Variants in SNX14 observed in about 807,000 individuals in gnomAD.
SNX14 encodes the protein sorting nexin 14.
SNX14 carries 93 observed loss-of-function variants against 133.8 expected under a neutral mutation model. That is an observed-to-expected ratio of 0.70 (90% CI 0.59 to 0.83). The LOEUF (loss-of-function observed/expected upper bound fraction) is 0.83. Among genes scored for constraint, SNX14 ranks in the 40% least tolerant of loss-of-function variants. SNX14 has a pLI of 0.00. For synonymous variants in SNX14, 368 were observed against 365.6 expected (o/e 1.01, Z -0.07); for missense variants, 945 against 1,094.9 (o/e 0.86, Z 1.93).
chr6:85,529,615 T>C (rs548996900), intron 19 of SNX14, among the ~76,000 whole-genome samples: 1 of 152,304 alleles, frequency 6.6e-6, no homozygotes, highest in East Asian at 1.9e-4. Context: ...TCAAAATCTA[T>C]GCAAAAATAT....
At chr6:85,538,981 G>A in intron 15 of SNX14, 117 bp from the exon 16 acceptor site, 1 of 736,336 alleles carries the variant, frequency 1.4e-6, no homozygotes, top group Non-Finnish European at 2.1e-6. Flanking sequence ...AGTTACACAG[G>A]TGTATAACAT....
rs753526985 is a variant in SNX14, at chr6:85,572,165, G to A, written c.389C>T (p.Ser130Phe). 1.9e-6 allele frequency: 3 copies of A among 1,613,730 alleles called. No homozygotes were observed. In the South Asian group the frequency reaches 3.3e-5, roughly 18 times the overall value. ...NYQPWLDLKI[S>F]SKVDASLSEV... is the part of the protein sequence containing the mutation. ...TGAGAGAGATGCATCAACCTTGGAAGAAATTTTCAGGTCTAGCCATGGCTG... is the reference window on the plus strand; with the variant it reads ...TGAGAGAGATGCATCAACCTTGGAAAAAATTTTCAGGTCTAGCCATGGCTG... Residue 130 changes from serine (S) to phenylalanine (F), a missense_variant, in exon 4 of 29, where the codon TCT becomes TTT. By Grantham distance (155) the Ser-to-Phe change is radical. This residue lies in a region of SNX14 where 514 missense variants were observed against 538.8 expected (regional missense o/e 0.95). Transcript: ENST00000314673.
At chr6:85,569,166 T>C (rs1418269581) in intron 4 of SNX14, among the ~76,000 whole-genome samples, 1 of 152,174 alleles carries the variant, frequency 6.6e-6, no homozygotes, top group Non-Finnish European at 1.5e-5. Flanking sequence ...TTCTCCATGT[T>C]GGTCAGGCTG....
chr6:85,569,871 T>C (rs1795023698), intron 4 of SNX14, among the ~76,000 whole-genome samples: 1 of 152,148 alleles, frequency 6.6e-6, no homozygotes, highest in Non-Finnish European at 1.5e-5. Flanking sequence ...TAGAATATTG[T>C]TTCCTCATTG....
chr6:85,593,095 G>A (rs960405639), intron 1 of SNX14, among the ~76,000 whole-genome samples: 8 of 152,188 alleles, frequency 5.3e-5, no homozygotes, highest in African/African-American at 1.9e-4. Flanking sequence ...ATGATCGTCT[G>A]TTTTATTCAA....
At chr6:85,549,913 T>A (rs187870856) in intron 7 of SNX14, 34 bp from the exon 8 acceptor site, 9 of 1,552,292 alleles carry the variant, frequency 5.8e-6, no homozygotes, top group Non-Finnish European at 7.9e-6. Context: ...TGAAACAAGT[T>A]AAGTGACATT....
intron 1 of SNX14, among the ~76,000 whole-genome samples, chr6:85,584,052 T>C (rs1244671386): frequency 1.3e-5 from 2 of 152,084 alleles, no homozygotes; most frequent in Admixed American, 6.6e-5. Context: ...AAAACAGATA[T>C]ATAGACCAAT....
chr6:85,587,650 C>T (rs546473423), intron 1 of SNX14, among the ~76,000 whole-genome samples: 16 of 151,992 alleles, frequency 1.1e-4, no homozygotes, highest in African/African-American at 1.7e-4. Context: ...TTTGGAGAGA[C>T]GGGGTTCCGC....
intron 21 of SNX14, among the ~76,000 whole-genome samples, chr6:85,525,609 T>C (rs1026097374): frequency 6.6e-6 from 1 of 152,170 alleles, no homozygotes; most frequent in African/African-American, 2.4e-5. Flanking sequence ...TTTACTTACC[T>C]AAATAACTAC....
intron 1 of SNX14, among the ~76,000 whole-genome samples, chr6:85,587,711 C>G (rs1464015335): frequency 1.3e-5 from 2 of 152,194 alleles, no homozygotes; most frequent in Non-Finnish European, 2.9e-5. Context: ...ATCCTCCCAC[C>G]TTGGCCTCCC....
chr6:85,575,866 A>G (rs1479626069), intron 1 of SNX14, among the ~76,000 whole-genome samples: 1 of 152,254 alleles, frequency 6.6e-6, no homozygotes, highest in Non-Finnish European at 1.5e-5. Flanking sequence ...TAATTCACCT[A>G]TGCATGAAAA....
chr6:85,563,881 CA>C (rs1435941541), intron 6 of SNX14, among the ~76,000 whole-genome samples: 4 of 152,030 alleles, frequency 2.6e-5, no homozygotes, highest in Non-Finnish European at 4.4e-5. Context: ...GTTAACTAGT[CA>C]TTTACATTAG....
At chr6:85,514,843 T>A (rs559380654) in intron 23 of SNX14, among the ~76,000 whole-genome samples, 41 of 152,252 alleles carry the variant, frequency 2.7e-4, no homozygotes, top group African/African-American at 9.6e-4. Context: ...ACATAAAAAC[T>A]AAAATATTCA....
chr6:85,584,937 G>A (rs748576714), intron 1 of SNX14, among the ~76,000 whole-genome samples: 1 of 152,132 alleles, frequency 6.6e-6, no homozygotes, highest in Non-Finnish European at 1.5e-5. Flanking sequence ...CTGCTATAAA[G>A]ACACATGCAC....
intron 28 of SNX14, among the ~76,000 whole-genome samples, 157 bp from the exon 29 acceptor site, chr6:85,506,162 AG>A (rs1344762214): frequency 1.3e-5 from 2 of 152,224 alleles, no homozygotes; most frequent in Non-Finnish European, 2.9e-5. Context: ...TCTATGTTCT[AG>A]ATATGAGAAA....
chr6:85,543,237 T>A lies in SNX14; in HGVS notation c.1334A>T (p.His445Leu), dbSNP rs774329796. ...TACATTCTCCAAAAGGGAAAGAACA[T>A]GTTCATATGCTTCAAAAAGACATCT... ...TMRCLFEAYE[H>L]VLSLLENVFT... The change falls in exon 14 of 29, where the codon CAT (histidine) becomes CTT (leucine). Residue 445 changes from histidine to leucine, a missense_variant. Transcript: ENST00000314673. The A allele has an allele frequency of 1.2e-6, 2 of 1,604,106 alleles. No individual in the cohort carries two copies. Among genetic ancestry groups the A allele is most frequent in the Non-Finnish European group, 1.7e-6 (2 of 1,176,104 alleles).
chr6:85,513,544 CTGACTA>C (rs1335885253), intron 26 of SNX14, among the ~76,000 whole-genome samples: 1 of 152,208 alleles, frequency 6.6e-6, no homozygotes, highest in African/African-American at 2.4e-5. Context: ...TTTGACCAGT[CTGACTA>C]TAAGTTATTT....
intron 7 of SNX14, among the ~76,000 whole-genome samples, chr6:85,550,441 C>T (rs961047939): frequency 6.6e-6 from 1 of 152,116 alleles, no homozygotes; most frequent in Admixed American, 6.6e-5. Flanking sequence ...TTGCCAAATC[C>T]TGTATCTTCT....
chr6:85,517,732 G>A, intron 23 of SNX14, 24 bp downstream of exon 23: 6 of 1,561,496 alleles, frequency 3.8e-6, no homozygotes, highest in Non-Finnish European at 5.2e-6. Context: ...AAACTTAATA[G>A]TTCTTTAATG....
Sources: gnomAD v4.1 joint callset for allele counts (sites outside exome capture counted in the v4.1 genomes callset) on GRCh38, gnomAD v4.1.1 for gene constraint, gnomAD v4.1.1 regional missense constraint, MANE v1.5 for transcripts, NCBI Gene and HGNC (gene_info 2026-07-23, HGNC 2026-07-21) for gene names.